Variants in ATP8B4 observed in about 807,000 individuals in gnomAD.
The protein encoded by ATP8B4 is probable phospholipid-transporting ATPase IM.
In ATP8B4, 133 loss-of-function variants were observed where a neutral mutation model predicts 145.6. The observed-to-expected ratio is 0.91, with a 90% CI of 0.79 to 1.05. The LOEUF (loss-of-function observed/expected upper bound fraction) is 1.05, where lower values mean the gene tolerates loss of function less well. Among genes scored for constraint, ATP8B4 ranks in the 50% least tolerant of loss-of-function variants. The pLI is 0.00. For synonymous variants in ATP8B4, 507 were observed against 492.9 expected, an observed-to-expected ratio of 1.03 and a Z score of -0.38; for missense variants, 1,458 against 1,425.2, an observed-to-expected ratio of 1.02 and a Z score of -0.37.
At chr15:49,890,460 T>C (rs1299174740) in intron 23 of ATP8B4, among the ~76,000 whole-genome samples, 2 of 152,178 alleles carry the variant, frequency 1.3e-5, no homozygotes, top group African/African-American at 2.4e-5. Flanking sequence ...GCTGACTTTC[T>C]TTAAAAGACT....
chr15:50,177,172 T>A (rs1312881361), intron 1 of ATP8B4, among the ~76,000 whole-genome samples: 1 of 152,236 alleles, frequency 6.6e-6, no homozygotes, highest in Non-Finnish European at 1.5e-5. Flanking sequence ...GTATGTAATG[T>A]CACAAAAATT....
chr15:49,929,461 G>A (rs2041051576), intron 16 of ATP8B4, among the ~76,000 whole-genome samples: 1 of 152,060 alleles, frequency 6.6e-6, no homozygotes, highest in Non-Finnish European at 1.5e-5. Context: ...TTCCATATTT[G>A]ACATAAAACT....
At chr15:49,867,418 C>G (rs1035071411) in intron 25 of ATP8B4, among the ~76,000 whole-genome samples, 4 of 152,190 alleles carry the variant, frequency 2.6e-5, no homozygotes, top group African/African-American at 9.7e-5. Flanking sequence ...ATGATGCTGG[C>G]AGCCTTTGAT....
chr15:50,042,111 T>C (rs984589719), intron 5 of ATP8B4, among the ~76,000 whole-genome samples: 1 of 149,654 alleles, frequency 6.7e-6, no homozygotes, highest in Non-Finnish European at 1.5e-5. Context: ...GCCGAGATCA[T>C]GCCACTGCAC....
chr15:50,156,481 A>G (rs992936141), intron 1 of ATP8B4, among the ~76,000 whole-genome samples: 4 of 152,154 alleles, frequency 2.6e-5, no homozygotes, highest in African/African-American at 9.7e-5. Flanking sequence ...TTAATTTCAA[A>G]GCCATTTAAT....
chr15:49,958,345 T>C (rs930866577), intron 14 of ATP8B4, among the ~76,000 whole-genome samples: 2 of 151,296 alleles, frequency 1.3e-5, no homozygotes, highest in African/African-American at 4.8e-5. Context: ...AATAAATAAA[T>C]AAAGCATCCA....
chr15:50,061,002 C>G (rs2052973521), intron 3 of ATP8B4, among the ~76,000 whole-genome samples: 1 of 152,094 alleles, frequency 6.6e-6, no homozygotes, highest in African/African-American at 2.4e-5. Flanking sequence ...CATTTGTGCA[C>G]TAGAGACTAT....
rs777181915 is a variant in ATP8B4 at position 49,879,467 on chromosome 15, G to T, written c.2698-8C>A. 23 of 1,584,198 alleles carry T rather than the reference G, an allele frequency of 1.5e-5. No homozygotes were observed. Among genetic ancestry groups the T allele is most frequent in the Non-Finnish European group, 2.0e-5 (23 of 1,157,080 alleles). On this transcript the variant is annotated splice_region_variant and splice_polypyrimidine_tract_variant and intron_variant, in intron 23 of 27. Transcript: ENST00000284509. Reference sequence around the variant, plus strand: ...CCACTGGTCATAAACAGTCTGAAAAGAAATATAACATATAAGTGAGAAACA... The same window carrying T: ...CCACTGGTCATAAACAGTCTGAAAATAAATATAACATATAAGTGAGAAACA...
chr15:50,032,928 T>C (rs946777861), intron 6 of ATP8B4, among the ~76,000 whole-genome samples: 1 of 152,160 alleles, frequency 6.6e-6, no homozygotes, highest in South Asian at 2.1e-4. Flanking sequence ...TTAATGAATA[T>C]ATGCTGCTTT....
intron 1 of ATP8B4, among the ~76,000 whole-genome samples, chr15:50,139,727 C>T (rs2044181395): frequency 6.6e-6 from 1 of 152,202 alleles, no homozygotes; most frequent in South Asian, 2.1e-4. Context: ...TGCAAAACTT[C>T]AAATTTTATT....
chr15:50,178,880 G>A (rs2044802964), intron 1 of ATP8B4, among the ~76,000 whole-genome samples: 1 of 152,102 alleles, frequency 6.6e-6, no homozygotes, highest in South Asian at 2.1e-4. Context: ...GATGGGGGAG[G>A]GGGTTGTTCT....
At chr15:49,883,303 T>C (rs1355193912) in intron 23 of ATP8B4, 2 of 152,198 alleles carry the variant, frequency 1.3e-5, no homozygotes, top group African/African-American at 2.4e-5. Flanking sequence ...GCCCTCATCA[T>C]CACAAATGGG....
chr15:49,940,977 G>T (rs1599296274), intron 14 of ATP8B4, among the ~76,000 whole-genome samples: 1 of 152,164 alleles, frequency 6.6e-6, no homozygotes, highest in Non-Finnish European at 1.5e-5. Flanking sequence ...GAATGAGAAA[G>T]AGAAAGCAAA....
At chr15:50,006,778 T>A (rs183251000) in intron 7 of ATP8B4, among the ~76,000 whole-genome samples, 51 of 152,278 alleles carry the variant, frequency 3.3e-4, no homozygotes, top group African/African-American at 1.2e-3. Context: ...ATTCTAGTAA[T>A]GTTCAAATAT....
At chr15:50,066,744 G>A (rs570788548) in intron 3 of ATP8B4, among the ~76,000 whole-genome samples, 2 of 152,176 alleles carry the variant, frequency 1.3e-5, no homozygotes, top group East Asian at 3.9e-4. Context: ...TTTATTGCAA[G>A]CTATTAATTG....
chr15:49,878,543 C>CT, intron 24 of ATP8B4, among the ~76,000 whole-genome samples: 1 of 152,202 alleles, frequency 6.6e-6, no homozygotes, highest in Middle Eastern at 3.4e-3. Context: ...AACAAAAAGT[C>CT]TTTTTAAAAA....
chr15:50,004,391 A>G (rs985863916), intron 7 of ATP8B4, among the ~76,000 whole-genome samples: 1 of 152,168 alleles, frequency 6.6e-6, no homozygotes, highest in Admixed American at 6.5e-5. Context: ...CCCGTTTGCC[A>G]GAAGTGCTGT....
chr15:49,883,616 T>A (rs2035766116), intron 23 of ATP8B4: 1 of 152,224 alleles, frequency 6.6e-6, no homozygotes, highest in Non-Finnish European at 1.5e-5. Flanking sequence ...AGTTCCCAGT[T>A]TATACATGGG....
chr15:49,930,880 A>AGTT (rs1244874940), intron 16 of ATP8B4, among the ~76,000 whole-genome samples: 25 of 152,180 alleles, frequency 1.6e-4, no homozygotes, highest in African/African-American at 5.5e-4. Context: ...TTTTATTGAT[A>AGTT]CATTGTACAT....
Sources: allele counts gnomAD v4.1 joint callset (sites outside exome capture counted in the v4.1 genomes callset), GRCh38; gene constraint gnomAD v4.1.1; transcripts MANE v1.5; gene names NCBI Gene and HGNC (gene_info 2026-07-23, HGNC 2026-07-21).